Variants in EML1 observed in about 807,000 individuals in gnomAD.
EML1 encodes the protein echinoderm microtubule-associated protein-like 1.
EML1 carries 27 observed loss-of-function variants against 110.4 expected under a neutral mutation model. That is an observed-to-expected ratio of 0.24 (90% CI 0.18 to 0.34). The LOEUF (loss-of-function observed/expected upper bound fraction) is 0.34, where lower values mean the gene tolerates loss of function less well. EML1 is among the 10% of genes least tolerant of loss of function. The pLI is 1.00. For missense variants in EML1, 741 were observed against 1,030.9 expected (o/e 0.72, Z 3.85); for synonymous variants, 344 against 385.8 (o/e 0.89, Z 1.27).
At chr14:99,743,315 C>G (rs185078614) in intron 1 of EML1, among the ~76,000 whole-genome samples, 1 of 152,134 alleles carries the variant, frequency 6.6e-6, no homozygotes, top group African/African-American at 2.4e-5. Flanking sequence ...CTCCAGGGAC[C>G]CTTCCCTGAG....
At chr14:99,909,099 C>T (rs957134251) in intron 10 of EML1, among the ~76,000 whole-genome samples, 7 of 152,166 alleles carry the variant, frequency 4.6e-5, no homozygotes, top group South Asian at 2.1e-4. Context: ...ACAGAGGACT[C>T]CTGGGTGCTC....
At chr14:99,788,046 C>T in intron 1 of EML1, among the ~76,000 whole-genome samples, 1 of 152,166 alleles carries the variant, frequency 6.6e-6, no homozygotes, top group South Asian at 2.1e-4. Flanking sequence ...AAGCCCCTGA[C>T]AGGCTGTCCA....
intron 1 of EML1, among the ~76,000 whole-genome samples, chr14:99,843,146 C>T (rs1239373986): frequency 6.6e-6 from 1 of 152,046 alleles, no homozygotes; most frequent in Non-Finnish European, 1.5e-5. Flanking sequence ...TCCAACTACT[C>T]GGGAGGCTGA....
intron 1 of EML1, among the ~76,000 whole-genome samples, chr14:99,782,441 T>A (rs1429667784): frequency 6.6e-6 from 1 of 152,120 alleles, no homozygotes; most frequent in East Asian, 1.9e-4. Context: ...TGCTCCCCTC[T>A]GAGCTGTGAG....
intron 20 of EML1, among the ~76,000 whole-genome samples, chr14:99,938,240 A>G (rs1186032384): frequency 6.6e-6 from 1 of 152,180 alleles, no homozygotes; most frequent in Non-Finnish European, 1.5e-5. Flanking sequence ...TCAACTTACC[A>G]TTTGTGAGGG....
chr14:99,903,712 C>T (rs1269231477), intron 9 of EML1, among the ~76,000 whole-genome samples: 1 of 151,886 alleles, frequency 6.6e-6, no homozygotes, highest in Non-Finnish European at 1.5e-5. Context: ...CCAAATAAGC[C>T]AAATTTCACC....
At chr14:99,796,652 G>C (rs1160103606) in intron 1 of EML1, among the ~76,000 whole-genome samples, 9 of 149,634 alleles carry the variant, frequency 6.0e-5, no homozygotes, top group Admixed American at 3.3e-4. Context: ...ATCATGCCCA[G>C]CTCACAAACT....
rs527320438 is a variant in EML1, at chr14:99,841,480, A to G, written c.68-9373A>G. ...TTAGGTCACATAGCTAATAGGGGACAGATTAGGAATTGGCTACTGCTCAGT... is the reference window on the plus strand; with the variant it reads ...TTAGGTCACATAGCTAATAGGGGACGGATTAGGAATTGGCTACTGCTCAGT... On this transcript the variant is annotated intron_variant, in intron 1 of 21. Transcript: ENST00000262233. Among the ~76,000 whole-genome samples the G allele has an allele frequency of 7.2e-5, 11 of 152,316 alleles. No homozygotes were observed. In the South Asian group the frequency reaches 1.0e-3, roughly 14 times the overall value.
chr14:99,933,932 T>C (rs1410777115), intron 17 of EML1, among the ~76,000 whole-genome samples: 1 of 152,048 alleles, frequency 6.6e-6, no homozygotes, highest in African/African-American at 2.4e-5. Flanking sequence ...CCGTCTCTAC[T>C]AAAAATACAA....
intron 2 of EML1, among the ~76,000 whole-genome samples, chr14:99,855,870 C>G (rs1439371896): frequency 6.6e-6 from 1 of 152,184 alleles, no homozygotes; most frequent in African/African-American, 2.4e-5. Context: ...TCCTGTCATT[C>G]CAAGACATCA....
At chr14:99,856,617 C>T (rs2058907309) in intron 2 of EML1, among the ~76,000 whole-genome samples, 1 of 152,132 alleles carries the variant, frequency 6.6e-6, no homozygotes, top group Non-Finnish European at 1.5e-5. Flanking sequence ...CTCTTTTGCT[C>T]TTTTAGATAG....
chr14:99,770,800 T>C (rs2057418995), upstream of EML1, among the ~76,000 whole-genome samples: 1 of 140,090 alleles, frequency 7.1e-6, no homozygotes, highest in South Asian at 2.3e-4. Flanking sequence ...TTTTTTTTTT[T>C]TTGAGACGGA....
chr14:99,786,959 T>C (rs556428963), intron 1 of EML1, among the ~76,000 whole-genome samples: 3 of 152,088 alleles, frequency 2.0e-5, no homozygotes, highest in East Asian at 1.9e-4. Context: ...AAAAGTAGGA[T>C]TGGTGAAGAA....
At chr14:99,816,286 C>T (rs954011718) in intron 1 of EML1, among the ~76,000 whole-genome samples, 1 of 152,240 alleles carries the variant, frequency 6.6e-6, no homozygotes, top group Admixed American at 6.5e-5. Context: ...GGCTCAGCCT[C>T]CTGAGTAGCT....
chr14:99,897,667 GCCTTCTTAACACATCA>G (rs2059694434), intron 7 of EML1, among the ~76,000 whole-genome samples: 1 of 152,074 alleles, frequency 6.6e-6, no homozygotes, highest in Admixed American at 6.5e-5. Flanking sequence ...CTCTTTGGAG[GCCTTCTTAACACATCA>G]TGTATTAAAG....
intron 1 of EML1, among the ~76,000 whole-genome samples, chr14:99,835,100 G>A (rs1029614246): frequency 2.6e-5 from 4 of 152,196 alleles, no homozygotes; most frequent in African/African-American, 4.8e-5. Context: ...GGGATTACAG[G>A]CGTGAGCCAC....
At chr14:99,922,266 C>T (rs1477312283) in intron 17 of EML1, among the ~76,000 whole-genome samples, 1 of 152,112 alleles carries the variant, frequency 6.6e-6, no homozygotes, top group East Asian at 1.9e-4. Context: ...CAGGTGCATG[C>T]CACCACACCT....
chr14:99,875,605 C>T (rs1011572396), intron 3 of EML1, among the ~76,000 whole-genome samples: 1 of 152,168 alleles, frequency 6.6e-6, no homozygotes, highest in Non-Finnish European at 1.5e-5. Flanking sequence ...CCCACAAGGA[C>T]GCCCCAGAAG....
intron 17 of EML1, among the ~76,000 whole-genome samples, chr14:99,922,486 T>G (rs1322873663): frequency 6.6e-6 from 1 of 152,138 alleles, no homozygotes; most frequent in Non-Finnish European, 1.5e-5. Flanking sequence ...GTATATGCCT[T>G]TTTGTGTTTG....
Sources: gnomAD v4.1 joint callset for allele counts (sites outside exome capture counted in the v4.1 genomes callset) on GRCh38, gnomAD v4.1.1 for gene constraint, MANE v1.5 for transcripts, NCBI Gene and HGNC (gene_info 2026-07-23, HGNC 2026-07-21) for gene names.